The following GBE1 variants were observed in gnomAD, a reference collection of about 807,000 sequenced individuals.
GBE1 encodes 1,4-alpha-glucan-branching enzyme.
GBE1 carries 70 observed loss-of-function variants against 88.8 expected under a neutral mutation model. That is an observed-to-expected ratio of 0.79 (90% confidence interval 0.65 to 0.96). GBE1 has a LOEUF of 0.96. Among genes scored for constraint, GBE1 ranks in the 40% least tolerant of loss-of-function variants. GBE1 has a pLI of 0.00. For missense variants in GBE1, 872 were observed against 871.0 expected (o/e 1.00, Z -0.01); for synonymous variants, 284 against 300.1 (o/e 0.95, Z 0.56).
intron 1 of GBE1, among the ~76,000 whole-genome samples, chr3:81,723,295 G>A (rs1328973857): frequency 2.0e-5 from 3 of 147,204 alleles, no homozygotes; most frequent in Non-Finnish European, 4.5e-5. Context: ...TAGAGAGGGG[G>A]TTTCACCATG....
At chr3:81,581,083 A>G in intron 11 of GBE1, 82 bp downstream of exon 11, 1 of 774,152 alleles carries the variant, frequency 1.3e-6, no homozygotes, top group South Asian at 1.6e-5. Context: ...CGATATGTTT[A>G]TATTTAAATA....
At chr3:81,699,286 T>G (rs540847667) in intron 2 of GBE1, among the ~76,000 whole-genome samples, 5 of 148,832 alleles carry the variant, frequency 3.4e-5, no homozygotes, top group Admixed American at 3.3e-4. Flanking sequence ...CAAGAAATCT[T>G]CTCAACAATC....
At chr3:81,707,047 AC>A (rs1479187176) in intron 1 of GBE1, among the ~76,000 whole-genome samples, 2 of 152,048 alleles carry the variant, frequency 1.3e-5, no homozygotes, top group Non-Finnish European at 2.9e-5. Flanking sequence ...GAAAAATAAA[AC>A]CAAATAAAAT....
intron 14 of GBE1, among the ~76,000 whole-genome samples, chr3:81,523,620 A>G (rs2106849895): frequency 6.6e-6 from 1 of 151,752 alleles, no homozygotes; most frequent in African/African-American, 2.4e-5. Flanking sequence ...GTAGCCATTA[A>G]GCATTCCATT....
At chr3:81,646,888 A>G (rs1704772317) in intron 5 of GBE1, among the ~76,000 whole-genome samples, 1 of 151,692 alleles carries the variant, frequency 6.6e-6, no homozygotes, top group African/African-American at 2.4e-5. Flanking sequence ...ATGTATTTCT[A>G]TATATTTCAA....
At chr3:81,561,134 A>T (rs1703410905) in intron 12 of GBE1, among the ~76,000 whole-genome samples, 1 of 152,014 alleles carries the variant, frequency 6.6e-6, no homozygotes, top group Non-Finnish European at 1.5e-5. Flanking sequence ...ACAAACACCA[A>T]ATTAAAAAAA....
intron 14 of GBE1, among the ~76,000 whole-genome samples, chr3:81,502,967 G>A (rs933081005): frequency 2.6e-5 from 4 of 152,136 alleles, no homozygotes; most frequent in African/African-American, 9.7e-5. Flanking sequence ...GTTATCCATA[G>A]CTACCTCCCT....
chr3:81,625,450 T>C (rs887663334), intron 7 of GBE1, among the ~76,000 whole-genome samples: 1 of 152,054 alleles, frequency 6.6e-6, no homozygotes, highest in African/African-American at 2.4e-5. Flanking sequence ...CTGGACTGTT[T>C]TTTTTTTAGA....
chr3:81,581,700 C>T lies in GBE1; in HGVS notation c.1336-425G>A, dbSNP rs73853354. Among the ~76,000 whole-genome samples, 917 of 152,010 alleles carry T rather than the reference C, an allele frequency of 6.0e-3. 20 individuals carry two copies. The highest frequency in any genetic ancestry group is 0.021 in the African/African-American group (868 of 41,488). On this transcript the variant is annotated intron_variant, in intron 10 of 15. Coordinates refer to ENST00000429644, the MANE Select transcript of GBE1 (RefSeq NM_000158.4). ...AAAAAAATTAGTAAAAAGAGTGTTTCGCTTCATTTTTACAAAGTGATAAAA... is the reference window on the plus strand; with the variant it reads ...AAAAAAATTAGTAAAAAGAGTGTTTTGCTTCATTTTTACAAAGTGATAAAA...
At position 81,691,500 on chromosome 3, in the gene GBE1, G is replaced by A. The variant is rs536406992; in HGVS notation, c.313+13944C>T. Among the ~76,000 whole-genome samples, 15 of 152,256 alleles carry A rather than the reference G, an allele frequency of 9.9e-5. No individual in the cohort carries two copies. In the South Asian group the frequency reaches 3.1e-3, roughly 32 times the overall value. ...AATTCTAAAGTTGGTTGGATGCAGT[G>A]GCTCACACCTGTAGCCCAAGAAGGC... is the stretch of plus-strand genomic sequence containing the variant. On this transcript the variant is annotated intron_variant, in intron 2 of 15. Transcript: ENST00000429644.
intron 7 of GBE1, among the ~76,000 whole-genome samples, chr3:81,605,670 C>T (rs1704092951): frequency 6.6e-6 from 1 of 152,020 alleles, no homozygotes; most frequent in African/African-American, 2.4e-5. Flanking sequence ...CAAAGGTGCA[C>T]ATAATAATAG....
intron 12 of GBE1, among the ~76,000 whole-genome samples, chr3:81,575,469 A>G (rs931994323): frequency 9.2e-5 from 14 of 152,176 alleles, no homozygotes; most frequent in African/African-American, 3.4e-4. Context: ...AATCTTAATG[A>G]CTTTTGATAA....
intron 12 of GBE1, among the ~76,000 whole-genome samples, chr3:81,571,549 A>G (rs1559648757): frequency 6.6e-6 from 1 of 152,224 alleles, no homozygotes; most frequent in Non-Finnish European, 1.5e-5. Context: ...GGAGAGTTAT[A>G]TAAAAAGCAT....
At chr3:81,621,238 A>C (rs1171477628) in intron 7 of GBE1, among the ~76,000 whole-genome samples, 1 of 152,184 alleles carries the variant, frequency 6.6e-6, no homozygotes, top group Non-Finnish European at 1.5e-5. Context: ...TATTCGAATC[A>C]ACTGTCTCTC....
chr3:81,528,417 A>G (rs1322888696), intron 14 of GBE1, among the ~76,000 whole-genome samples: 1 of 152,068 alleles, frequency 6.6e-6, no homozygotes, highest in African/African-American at 2.4e-5. Flanking sequence ...ACAAAACAAA[A>G]GAATGTTCCA....
intron 10 of GBE1, among the ~76,000 whole-genome samples, chr3:81,582,514 G>A (rs893060772): frequency 6.6e-6 from 1 of 152,088 alleles, no homozygotes; most frequent in Non-Finnish European, 1.5e-5. Flanking sequence ...TTGTGAATTT[G>A]TGCTGTTTAA....
intron 12 of GBE1, 59 bp downstream of exon 12, chr3:81,577,866 A>C: frequency 7.5e-7 from 1 of 1,339,374 alleles, no homozygotes; most frequent in Non-Finnish European, 1.0e-6. Context: ...TACATGATTT[A>C]TGTCATTATA....
intron 3 of GBE1, among the ~76,000 whole-genome samples, chr3:81,656,837 C>T (rs1704945718): frequency 1.3e-5 from 2 of 151,968 alleles, no homozygotes; most frequent in African/African-American, 2.4e-5. Flanking sequence ...TGCTGAGTTC[C>T]AGACTTGAGA....
chr3:81,547,125 T>A (rs539924474), intron 12 of GBE1, among the ~76,000 whole-genome samples: 7 of 151,490 alleles, frequency 4.6e-5, no homozygotes, highest in African/African-American at 1.4e-4. Context: ...GGGGTGCATA[T>A]ACCCGAGTGA....
Sources: allele counts gnomAD v4.1 joint callset (sites outside exome capture counted in the v4.1 genomes callset), GRCh38; gene constraint gnomAD v4.1.1; transcripts MANE v1.5; gene names NCBI Gene and HGNC (gene_info 2026-07-23, HGNC 2026-07-21).